MOCOS: variants seen among roughly 807,000 people sequenced by gnomAD.
MOCOS encodes the protein molybdenum cofactor sulfurase.
Under a neutral mutation model 83.6 loss-of-function variants are expected in MOCOS, and 86 were observed. That is an observed-to-expected ratio of 1.03 (90% CI 0.86 to 1.23). The LOEUF (loss-of-function observed/expected upper bound fraction) is 1.23. Ranked by LOEUF, MOCOS falls within the 50% of genes most tolerant of loss-of-function variation. The pLI is 0.00. For synonymous variants in MOCOS, 445 were observed against 434.7 expected, an observed-to-expected ratio of 1.02 and a Z score of -0.29; for missense variants, 1,120 against 1,126.9, an observed-to-expected ratio of 0.99 and a Z score of 0.09.
intron 1 of MOCOS, among the ~76,000 whole-genome samples, chr18:36,191,631 T>A (rs2091366542): frequency 6.6e-6 from 1 of 152,108 alleles, no homozygotes; most frequent in Non-Finnish European, 1.5e-5. Flanking sequence ...AGAGATGGGG[T>A]CTCACATGTT....
chr18:36,237,060 C>A (rs1005523649), intron 9 of MOCOS, among the ~76,000 whole-genome samples: 4 of 148,276 alleles, frequency 2.7e-5, no homozygotes, highest in South Asian at 4.3e-4. Flanking sequence ...TCTAGATATA[C>A]AATCATGTCA....
At chr18:36,227,419 G>A (rs1249496924) in intron 9 of MOCOS, among the ~76,000 whole-genome samples, 1 of 149,104 alleles carries the variant, frequency 6.7e-6, no homozygotes, top group Non-Finnish European at 1.5e-5. Context: ...TTTTTGAGAT[G>A]GGGTCTCGCT....
At position 36,200,202 on chromosome 18, in the gene MOCOS, C is replaced by T. The variant is rs375133814; in HGVS notation, c.819C>T (p.Gly273=). The change falls in exon 4 of 15, where the codon GGC becomes GGT. Residue 273 remains glycine (G), a synonymous_variant. Coordinates refer to ENST00000261326, the MANE Select transcript of MOCOS (RefSeq NM_017947.4). ...TCTTCGGGTTTCCTACAGGCCTGGG[C>T]GCTCTGCTGGTCCATAATCGTGCGG... ...YKIFGFPTGL[G]ALLVHNRAAP... is the part of the protein sequence containing the mutation. 4.6e-5 allele frequency: 74 copies of T among 1,614,046 alleles called. No individual in the cohort carries two copies. Among genetic ancestry groups the T allele is most frequent in the South Asian group, 3.8e-4 (35 of 91,092 alleles).
At chr18:36,264,546 G>T (rs938562215) in intron 13 of MOCOS, among the ~76,000 whole-genome samples, 9 of 152,154 alleles carry the variant, frequency 5.9e-5, no homozygotes, top group African/African-American at 2.2e-4. Context: ...CAAGTGCCAG[G>T]CCTGGGCTTG....
At chr18:36,263,528 G>T (rs77084179) in intron 13 of MOCOS, among the ~76,000 whole-genome samples, 2,721 of 152,304 alleles carry the variant, frequency 0.018, 89 homozygotes, top group African/African-American at 0.063. Flanking sequence ...ACCCAAGTGG[G>T]CTCTGAGATC....
chr18:36,228,563 A>G (rs2091526395), intron 9 of MOCOS, among the ~76,000 whole-genome samples: 1 of 152,216 alleles, frequency 6.6e-6, no homozygotes, highest in African/African-American at 2.4e-5. Context: ...CATTAGCCTT[A>G]GCAAACCAAC....
At chr18:36,193,359 A>G (rs983014332) in intron 1 of MOCOS, among the ~76,000 whole-genome samples, 2 of 141,872 alleles carry the variant, frequency 1.4e-5, no homozygotes, top group African/African-American at 5.1e-5. Flanking sequence ...AAAAAAAGTT[A>G]CAGAATGAGG....
chr18:36,262,603 ATCC>A (rs1158101437), intron 13 of MOCOS, among the ~76,000 whole-genome samples: 6 of 152,048 alleles, frequency 3.9e-5, no homozygotes, highest in Admixed American at 2.6e-4. Context: ...GGTTCAAGCA[ATCC>A]TCCTGCCTCA....
chr18:36,228,094 A>G (rs149038024), intron 9 of MOCOS, among the ~76,000 whole-genome samples: 3 of 152,318 alleles, frequency 2.0e-5, no homozygotes, highest in South Asian at 2.1e-4. Flanking sequence ...AACATCACTG[A>G]TCATTAGAGA....
At chr18:36,245,295 T>C (rs2091598480) in intron 9 of MOCOS, among the ~76,000 whole-genome samples, 1 of 152,236 alleles carries the variant, frequency 6.6e-6, no homozygotes, top group Non-Finnish European at 1.5e-5. Flanking sequence ...GGACTTCTTT[T>C]ACCATTTTTT....
At chr18:36,245,048 A>G (rs538110748) in intron 9 of MOCOS, among the ~76,000 whole-genome samples, 1 of 152,272 alleles carries the variant, frequency 6.6e-6, no homozygotes, top group Non-Finnish European at 1.5e-5. Context: ...TGAAGACAGT[A>G]GATACTTGGT....
At chr18:36,221,816 TC>T (rs1301209082) in intron 9 of MOCOS, among the ~76,000 whole-genome samples, 1 of 150,982 alleles carries the variant, frequency 6.6e-6, no homozygotes. Context: ...AACCTCTGCC[TC>T]CTGGGTTCAG....
intron 12 of MOCOS, 21 bp downstream of exon 12, chr18:36,257,094 A>G: frequency 6.3e-7 from 1 of 1,591,952 alleles, no homozygotes; most frequent in Non-Finnish European, 8.6e-7. Context: ...ATACCTCGGG[A>G]CTAGCAGACA....
chr18:36,266,075 G>A (rs1197760923), intron 13 of MOCOS, among the ~76,000 whole-genome samples: 16 of 152,146 alleles, frequency 1.1e-4, no homozygotes, highest in Admixed American at 1.0e-3. Context: ...TGCTGGGTCA[G>A]CGGGCATTGA....
intron 14 of MOCOS, 88 bp downstream of exon 14, chr18:36,266,941 T>G: frequency 9.0e-7 from 1 of 1,112,530 alleles, no homozygotes. Context: ...CAGAGTTATT[T>G]TTTTAAATGG....
intron 13 of MOCOS, among the ~76,000 whole-genome samples, chr18:36,262,250 T>TACACACACACACACACGCACAC (rs1555656487): frequency 1.6e-5 from 2 of 127,824 alleles, no homozygotes; most frequent in Non-Finnish European, 3.2e-5. Context: ...CGTCTCTCTC[T>TACACACACACACACACGCACAC]ACACACACAC....
intron 9 of MOCOS, among the ~76,000 whole-genome samples, chr18:36,239,237 C>A (rs114673949): frequency 1.3e-5 from 2 of 152,088 alleles, no homozygotes; most frequent in Admixed American, 6.6e-5. Context: ...ACTTGATGAT[C>A]GTTACATTTT....
intron 1 of MOCOS, among the ~76,000 whole-genome samples, chr18:36,188,153 G>T (rs920181654): frequency 6.6e-6 from 1 of 152,188 alleles, no homozygotes; most frequent in African/African-American, 2.4e-5. Flanking sequence ...GGAGGCCAAG[G>T]CCTCTTGGCC....
chr18:36,266,022 G>A (rs1354999158), intron 13 of MOCOS, among the ~76,000 whole-genome samples: 1 of 152,042 alleles, frequency 6.6e-6, no homozygotes, highest in African/African-American at 2.4e-5. Context: ...ACTGTGGTTG[G>A]GCTTCTCGTT....
Sources: allele counts gnomAD v4.1 joint callset (sites outside exome capture counted in the v4.1 genomes callset), GRCh38; gene constraint gnomAD v4.1.1; transcripts MANE v1.5; gene names NCBI Gene and HGNC (gene_info 2026-07-23, HGNC 2026-07-21).